Variants in ADGRD1 observed in about 807,000 individuals in gnomAD.
ADGRD1 encodes the protein adhesion G protein-coupled receptor D1.
A neutral mutation model predicts 113.4 loss-of-function variants in ADGRD1; 77 were observed. The observed-to-expected ratio is 0.68, with a 90% CI of 0.57 to 0.82. ADGRD1 has a LOEUF of 0.82. Ranked by LOEUF, ADGRD1 falls within the 40% of genes least tolerant of loss-of-function variation. ADGRD1 has a pLI of 0.00. For synonymous variants in ADGRD1, 474 were observed against 475.0 expected (o/e 1.00, Z 0.03); for missense variants, 1,036 against 1,139.1 (o/e 0.91, Z 1.30).
intron 6 of ADGRD1, chr12:130,990,345 T>A (rs554904582): frequency 6.6e-6 from 1 of 152,346 alleles, no homozygotes; most frequent in South Asian, 2.1e-4. Flanking sequence ...AAAAATGAAG[T>A]AGAATATCTG....
intron 18 of ADGRD1, among the ~76,000 whole-genome samples, chr12:131,117,026 C>T (rs1950482576): frequency 6.6e-6 from 1 of 152,232 alleles, no homozygotes; most frequent in Non-Finnish European, 1.5e-5. Flanking sequence ...GCAATGCGAT[C>T]TTCCTTTTGG....
At chr12:131,099,639 C>T (rs1950023629) in intron 15 of ADGRD1, among the ~76,000 whole-genome samples, 1 of 152,130 alleles carries the variant, frequency 6.6e-6, no homozygotes, top group Non-Finnish European at 1.5e-5. Context: ...ACGTTACATG[C>T]AGAAGCCATG....
chr12:131,033,970 G>A (rs1467935567), intron 13 of ADGRD1, among the ~76,000 whole-genome samples: 5 of 152,254 alleles, frequency 3.3e-5, no homozygotes, highest in South Asian at 2.1e-4. Context: ...TGCAGCTCAC[G>A]TCCGATTTCC....
intron 2 of ADGRD1, among the ~76,000 whole-genome samples, chr12:130,964,897 TTTC>T (rs1271085208): frequency 2.6e-4 from 39 of 152,200 alleles, no homozygotes; most frequent in Non-Finnish European, 2.9e-4. Flanking sequence ...CCAGATTTTC[TTTC>T]TTATTTTTTA....
chr12:131,046,966 T>TGCTCCCTCCCTGGTCAGC (rs1376446881), intron 13 of ADGRD1, among the ~76,000 whole-genome samples: 1 of 143,458 alleles, frequency 7.0e-6, no homozygotes, highest in African/African-American at 2.6e-5. Flanking sequence ...CCCTGGTCAA[T>TGCTCCCTCCCTGGTCAGC]GCTCCCTCCC....
chr12:131,022,714 C>T lies in ADGRD1; in HGVS notation c.1473+8374C>T, dbSNP rs148806176. On this transcript the variant is annotated intron_variant, in intron 13 of 24. Transcript: ENST00000261654. This position sits in a 1 kb window ranked among gnomAD's most constrained non-coding sequence, Gnocchi z 4.6. Reference sequence around the variant, plus strand: ...TAAAGATATGCTGGGCTCATGGAATCGGCTCTTTCCCTAAGGAGCCCTGGT... The same window carrying T: ...TAAAGATATGCTGGGCTCATGGAATTGGCTCTTTCCCTAAGGAGCCCTGGT... The T allele has an allele frequency of 8.6e-5, 13 of 151,998 alleles. No homozygotes were observed. Among genetic ancestry groups the T allele is most frequent in the African/African-American group, 2.4e-4 (10 of 41,458 alleles). 9.4% of individuals were successfully genotyped at this position (151,998 alleles called of 1,614,324 possible).
Position 131,003,240 on chromosome 12 carries a change from T to A in ADGRD1, c.1082T>A (p.Val361Glu). Residue 361 changes from valine (V) to glutamate (E), a missense_variant, in exon 10 of 25, where the codon GTA (valine) becomes GAA (glutamate). Physicochemically the swap from Val to Glu is moderately radical, Grantham distance 121 (BLOSUM62 -2). Transcript: ENST00000261654. The surrounding 1 kb of genome is among the most constrained non-coding windows in gnomAD (Gnocchi z 4.8). ...ACTATTGACACCGTCATGGGCCATG[T>A]ATCCTCCAACCTGCACGGCAGCACG... ...IDTIDTVMGH[V>E]SSNLHGSTPQ... 20 of 1,614,112 alleles carry A rather than the reference T, an allele frequency of 1.2e-5. No individual in the cohort carries two copies. Among genetic ancestry groups the A allele is most frequent in the Non-Finnish European group, 1.7e-5 (20 of 1,180,024 alleles).
At chr12:131,108,408 G>A (rs1950279804) in intron 17 of ADGRD1, among the ~76,000 whole-genome samples, 1 of 152,178 alleles carries the variant, frequency 6.6e-6, no homozygotes, top group South Asian at 2.1e-4. Context: ...TGGACCAGGT[G>A]AGTCATGTGC....
In ADGRD1 at chr12:131,137,781, G is replaced by A. The variant is rs1384361928; in HGVS notation, c.2437-356G>A. ...CCTTGCAAGGCCTGAGGTGGATCCC[G>A]GTGGCAGGAAGGCAGTGCAGCCATG... On this transcript the variant is annotated intron_variant, in intron 23 of 24. Coordinates refer to ENST00000261654, the MANE Select transcript of ADGRD1 (RefSeq NM_198827.5). 5.3e-5 allele frequency: 17 copies of A among 318,220 alleles called. 2 individuals are homozygous for A. The highest frequency in any genetic ancestry group is 1.1e-3 in the Middle Eastern group (1 of 934). The allele number at this position is 318,220 out of a possible 1,614,324, so 19.7% of individuals were successfully genotyped here. A position where few individuals can be genotyped will look rare whatever the true frequency, so the allele number is the denominator to read the frequency against.
chr12:131,012,277 AT>A lies in ADGRD1; in HGVS notation c.1332-1907del, dbSNP rs11414277. Among the ~76,000 whole-genome samples, 125 of 147,278 alleles carry A rather than the reference AT, an allele frequency of 8.5e-4. 1 individual carries two copies. The highest frequency in any genetic ancestry group is 3.0e-3 in the South Asian group (14 of 4,680). ...GGACCTAGGGTGATGCTTTCTTTTC[AT>A]TTTTTTTTTTTTTTAAGTTTGTGTT... On this transcript the variant is annotated intron_variant, in intron 12 of 24. Coordinates refer to ENST00000261654, the MANE Select transcript of ADGRD1 (RefSeq NM_198827.5).
At chr12:131,123,038 A>AGTTTTTTTTTTT (rs1950638071) in intron 20 of ADGRD1, among the ~76,000 whole-genome samples, 6 of 35,386 alleles carry the variant, frequency 1.7e-4, no homozygotes, top group African/African-American at 5.9e-4. Context: ...TTACCTGGGG[A>AGTTTTTTTTTTT]GTTTTTTTTT....
At chr12:130,983,621 GCT>G (rs1181715336) in intron 5 of ADGRD1, among the ~76,000 whole-genome samples, 3 of 152,150 alleles carry the variant, frequency 2.0e-5, no homozygotes, top group Non-Finnish European at 2.9e-5. Flanking sequence ...CTGGCAATGT[GCT>G]CTCTTTTGTG....
chr12:131,102,159 G>T (rs1417927125), intron 15 of ADGRD1, among the ~76,000 whole-genome samples: 1 of 152,192 alleles, frequency 6.6e-6, no homozygotes, highest in African/African-American at 2.4e-5. Context: ...TCATTTCATG[G>T]ACAATTTGCT....
chr12:131,061,141 G>A (rs1341837312), intron 13 of ADGRD1, among the ~76,000 whole-genome samples: 2 of 152,194 alleles, frequency 1.3e-5, no homozygotes, highest in Admixed American at 1.3e-4. Context: ...ATCAGGACCT[G>A]CAGTCAGGAG....
chr12:131,006,533 A>G (rs904427912), intron 12 of ADGRD1, among the ~76,000 whole-genome samples: 5 of 152,122 alleles, frequency 3.3e-5, no homozygotes, highest in African/African-American at 1.2e-4. Flanking sequence ...CGCCGTCTAG[A>G]CCTGCTCTGT....
chr12:131,136,181 T>C lies in ADGRD1; in HGVS notation c.2394+18T>C. 2 of 1,612,904 alleles carry C rather than the reference T, an allele frequency of 1.2e-6. No homozygotes were observed. The highest frequency in any genetic ancestry group is 1.7e-6 in the Non-Finnish European group (2 of 1,179,598). ...CCCTGCAGGTGAGAGCCGCGGGGAC[T>C]GGCGGGGAGGCAGGGCCGCCAGCCA... is the stretch of plus-strand genomic sequence containing the variant. On this transcript the variant is annotated intron_variant, in intron 22 of 24. Transcript: ENST00000261654.
At chr12:131,072,318 C>T (rs1226515576) in intron 13 of ADGRD1, among the ~76,000 whole-genome samples, 2 of 152,152 alleles carry the variant, frequency 1.3e-5, no homozygotes, top group African/African-American at 2.4e-5. Context: ...CCCACCTTGA[C>T]GATGAACAGA....
chr12:130,976,659 ACC>A (rs995168910), intron 4 of ADGRD1: 2 of 151,840 alleles, frequency 1.3e-5, no homozygotes, highest in Non-Finnish European at 2.9e-5. Context: ...GGATCCAAAT[ACC>A]CCAGCCCACG....
chr12:131,117,526 G>A (rs1195931), intron 18 of ADGRD1, among the ~76,000 whole-genome samples: 23,026 of 152,136 alleles, frequency 0.15, 2,039 homozygotes, highest in Non-Finnish European at 0.2. Flanking sequence ...TAGGGGCTCC[G>A]TAGAAAAGAG....
Sources: allele counts gnomAD v4.1 joint callset (sites outside exome capture counted in the v4.1 genomes callset), GRCh38; gene constraint gnomAD v4.1.1; non-coding constraint Gnocchi (gnomAD v3.1); transcripts MANE v1.5; gene names NCBI Gene and HGNC (gene_info 2026-07-23, HGNC 2026-07-21).